The following HNF4G variants were observed in gnomAD, a reference collection of about 807,000 sequenced individuals.
HNF4G encodes the protein hepatocyte nuclear factor 4 gamma, also known as hepatocyte nuclear factor 4-gamma.
Under a neutral mutation model 50.9 loss-of-function variants are expected in HNF4G, and 21 were observed. That is an observed-to-expected ratio of 0.41 (90% CI 0.29 to 0.59). The LOEUF (loss-of-function observed/expected upper bound fraction) is 0.59, where lower values mean the gene tolerates loss of function less well. Ranked by LOEUF, HNF4G falls within the 20% of genes least tolerant of loss-of-function variation. HNF4G has a pLI of 0.26. For synonymous variants in HNF4G, 198 were observed against 185.6 expected (o/e 1.07, Z -0.54); for missense variants, 527 against 559.4 (o/e 0.94, Z 0.58).
chr8:75,519,121 T>G (rs1035507014), intron 2 of HNF4G, among the ~76,000 whole-genome samples: 10 of 152,180 alleles, frequency 6.6e-5, no homozygotes, highest in Non-Finnish European at 1.3e-4. Context: ...AGTTCAAAGT[T>G]CCACAGATCT....
chr8:75,462,386 T>C (rs1181239133), intron 1 of HNF4G, among the ~76,000 whole-genome samples: 1 of 152,190 alleles, frequency 6.6e-6, no homozygotes, highest in African/African-American at 2.4e-5. Context: ...CCAAGATGGC[T>C]ACTAAGTGAC....
intron 1 of HNF4G, 87 bp from the exon 2 acceptor site, chr8:75,543,724 G>A (rs1806692705): frequency 9.0e-7 from 1 of 1,108,820 alleles, no homozygotes. Context: ...AATGAATGGA[G>A]TGTTATGAGC....
intron 1 of HNF4G, among the ~76,000 whole-genome samples, chr8:75,472,942 G>A (rs949416008): frequency 6.6e-6 from 1 of 152,272 alleles, no homozygotes; most frequent in East Asian, 1.9e-4. Context: ...AGAAAAGTTA[G>A]ATCAGAGTGT....
chr8:75,562,066 G>A (rs1378280611), intron 9 of HNF4G, among the ~76,000 whole-genome samples: 1 of 152,066 alleles, frequency 6.6e-6, no homozygotes, highest in Admixed American at 6.6e-5. Context: ...TTGAGTTATT[G>A]TGATGTAACT....
intron 2 of HNF4G, among the ~76,000 whole-genome samples, chr8:75,546,025 C>T (rs1806768479): frequency 6.6e-6 from 1 of 151,986 alleles, no homozygotes; most frequent in African/African-American, 2.4e-5. Flanking sequence ...ATAGGCTTTG[C>T]TTCTCATTCA....
At chr8:75,458,099 A>G (rs11777954) in intron 1 of HNF4G, among the ~76,000 whole-genome samples, 25,505 of 152,014 alleles carry the variant, frequency 0.17, 2,358 homozygotes, top group African/African-American at 0.23. Context: ...ACCATGCCAA[A>G]CTTCAGTTAT....
At chr8:75,427,661 G>A (rs1366271245) in intron 1 of HNF4G, among the ~76,000 whole-genome samples, 1 of 151,792 alleles carries the variant, frequency 6.6e-6, no homozygotes, top group Non-Finnish European at 1.5e-5. Flanking sequence ...GCCTTGTTAA[G>A]TATTTGTTGA....
intron 2 of HNF4G, among the ~76,000 whole-genome samples, chr8:75,529,516 A>C (rs1585926253): frequency 6.6e-6 from 1 of 152,184 alleles, no homozygotes; most frequent in Non-Finnish European, 1.5e-5. Context: ...TATCTCAAAA[A>C]TATAAGCCTA....
At chr8:75,551,079 G>A (rs1806937253) in intron 3 of HNF4G, among the ~76,000 whole-genome samples, 1 of 152,042 alleles carries the variant, frequency 6.6e-6, no homozygotes, top group Non-Finnish European at 1.5e-5. Context: ...TTATCTTATA[G>A]TTTTATTAAC....
intron 1 of HNF4G, among the ~76,000 whole-genome samples, chr8:75,487,688 G>A (rs912680791): frequency 2.0e-5 from 3 of 152,112 alleles, no homozygotes; most frequent in African/African-American, 7.2e-5. Flanking sequence ...ACTAGAATTA[G>A]AATAATTTCT....
At chr8:75,464,176 C>T (rs1288265014) in intron 1 of HNF4G, among the ~76,000 whole-genome samples, 2 of 151,950 alleles carry the variant, frequency 1.3e-5, no homozygotes, top group Non-Finnish European at 2.9e-5. Context: ...AGTAGTTTCA[C>T]TCTCAGGAAA....
At chr8:75,495,603 T>A (rs930912700) in intron 2 of HNF4G, 2 of 150,580 alleles carry the variant, frequency 1.3e-5, no homozygotes, top group Non-Finnish European at 2.9e-5. Flanking sequence ...AGTGGTGCGA[T>A]CTTGGTTCAC....
At chr8:75,486,105 G>A (rs1812491419) in intron 1 of HNF4G, among the ~76,000 whole-genome samples, 1 of 152,142 alleles carries the variant, frequency 6.6e-6, no homozygotes, top group Non-Finnish European at 1.5e-5. Context: ...ACTTACAGAT[G>A]AATGAATGAC....
At chr8:75,543,721 G>A in intron 1 of HNF4G, 90 bp from the exon 2 acceptor site, 1 of 1,078,692 alleles carries the variant, frequency 9.3e-7, no homozygotes, top group Non-Finnish European at 1.3e-6. Flanking sequence ...GCCAATGAAT[G>A]GAGTGTTATG....
At chr8:75,507,317 C>A (rs570337959) in intron 2 of HNF4G, among the ~76,000 whole-genome samples, 1 of 148,954 alleles carries the variant, frequency 6.7e-6, no homozygotes, top group South Asian at 2.1e-4. Context: ...TGGAGTGCAG[C>A]GGCGTGATCT....
chr8:75,524,876 A>T (rs1360670809), intron 2 of HNF4G, among the ~76,000 whole-genome samples: 1 of 152,222 alleles, frequency 6.6e-6, no homozygotes, highest in Admixed American at 6.5e-5. Context: ...AAGAATAATT[A>T]TGCCAAAATA....
Position 75,552,521 on chromosome 8 carries a change from G to GT in HNF4G, c.490-515dup, listed in dbSNP as rs200204152. ...TTCAACATTGCTGAGTCACACATTG[G>GT]TTTTTTAATTTAATTTTGATGGGCT... On this transcript the variant is annotated intron_variant, in intron 4 of 9. Coordinates refer to ENST00000396423, the MANE Select transcript of HNF4G (RefSeq NM_004133.5). Among the ~76,000 whole-genome samples the GT allele has an allele frequency of 9.7e-3, 1,469 of 152,130 alleles. 32 individuals are homozygous for GT. The highest frequency in any genetic ancestry group is 0.034 in the African/African-American group (1,394 of 41,522).
intron 2 of HNF4G, among the ~76,000 whole-genome samples, chr8:75,513,382 T>C (rs1805808024): frequency 6.6e-6 from 1 of 152,194 alleles, no homozygotes; most frequent in African/African-American, 2.4e-5. Flanking sequence ...TTCTATTTCT[T>C]GTGATTAAAT....
At chr8:75,562,315 T>A (rs931262043) in intron 9 of HNF4G, among the ~76,000 whole-genome samples, 1 of 152,058 alleles carries the variant, frequency 6.6e-6, no homozygotes, top group African/African-American at 2.4e-5. Flanking sequence ...ATTATTTGAA[T>A]ATATGAGAAA....
Sources: gnomAD v4.1 joint callset for allele counts (sites outside exome capture counted in the v4.1 genomes callset) on GRCh38, gnomAD v4.1.1 for gene constraint, MANE v1.5 for transcripts, NCBI Gene and HGNC (gene_info 2026-07-23, HGNC 2026-07-21) for gene names.